EZR: variants seen among roughly 807,000 people sequenced by gnomAD.
EZR encodes the protein cytovillin 2.
EZR carries 40 observed loss-of-function variants against 74.8 expected under a neutral mutation model. The observed-to-expected ratio is 0.53, with a 90% CI of 0.42 to 0.70. The LOEUF (loss-of-function observed/expected upper bound fraction) is 0.70. EZR is among the 30% of genes least tolerant of loss of function. The pLI is 0.00. For synonymous variants in EZR, 341 were observed against 283.3 expected (o/e 1.20, Z -2.05); for missense variants, 678 against 755.8 (o/e 0.90, Z 1.21).
intron 4 of EZR, among the ~76,000 whole-genome samples, 200 bp downstream of exon 4, chr6:158,786,908 G>C (rs1262576635): frequency 2.6e-5 from 4 of 152,226 alleles, no homozygotes; most frequent in African/African-American, 9.7e-5. Context: ...CAATGAGTGA[G>C]CACTATGGAG....
intron 2 of EZR, among the ~76,000 whole-genome samples, chr6:158,811,841 C>T (rs1777456076): frequency 6.7e-6 from 1 of 150,036 alleles, no homozygotes; most frequent in Non-Finnish European, 1.5e-5. Flanking sequence ...TGCCACTGCA[C>T]TCCAGCCTGG....
chr6:158,780,552 G>A (rs1316744892), intron 7 of EZR, among the ~76,000 whole-genome samples: 2 of 152,158 alleles, frequency 1.3e-5, no homozygotes, highest in African/African-American at 4.8e-5. Context: ...ATGTTCTGTG[G>A]CTCCTGTTTC....
intron 10 of EZR, among the ~76,000 whole-genome samples, chr6:158,770,382 C>T (rs1038152668): frequency 1.3e-5 from 2 of 152,104 alleles, no homozygotes; most frequent in Non-Finnish European, 2.9e-5. Context: ...AAGTCTGGCT[C>T]TGAACACGCC....
intron 2 of EZR, among the ~76,000 whole-genome samples, chr6:158,805,337 G>GGAAA (rs1491172756): frequency 1.0e-4 from 12 of 116,904 alleles, no homozygotes; most frequent in African/African-American, 4.2e-4. Context: ...TCCATCTCAG[G>GGAAA]AAAAAAAAAA....
Position 158,767,227 on chromosome 6 carries a change from AGGCTCCCTGGAGACAGAGCCCCTT to A in EZR, c.1596+10_1596+33del. ...AGCCTGTCTGCTCCAAAAGCGAGGC[AGGCTCCCTGGAGACAGAGCCCCTT>A]GGGCCTCACCAGCAGCTGCCGCTGC... On this transcript the variant is annotated intron_variant, in intron 13 of 13. Coordinates refer to ENST00000367075, the MANE Select transcript of EZR (RefSeq NM_001111077.2). 3 of 1,594,806 alleles carry A rather than the reference AGGCTCCCTGGAGACAGAGCCCCTT, an allele frequency of 1.9e-6. No homozygotes were observed. Among genetic ancestry groups the A allele is most frequent in the Non-Finnish European group, 8.6e-7 (1 of 1,167,836 alleles).
At chr6:158,808,390 T>C (rs1488083074) in intron 2 of EZR, among the ~76,000 whole-genome samples, 2 of 152,224 alleles carry the variant, frequency 1.3e-5, no homozygotes, top group African/African-American at 4.8e-5. Flanking sequence ...AACCTGATGC[T>C]ATCCCTGTTG....
At chr6:158,801,997 A>G (rs755934456) in intron 2 of EZR, among the ~76,000 whole-genome samples, 1 of 152,180 alleles carries the variant, frequency 6.6e-6, no homozygotes, top group Non-Finnish European at 1.5e-5. Context: ...TTGGCCACAC[A>G]TGGATTGATA....
At chr6:158,780,684 G>C (rs1791412108) in intron 7 of EZR, among the ~76,000 whole-genome samples, 1 of 152,198 alleles carries the variant, frequency 6.6e-6, no homozygotes, top group Non-Finnish European at 1.5e-5. Flanking sequence ...GAGGGATGAA[G>C]CTAAGGGAGA....
chr6:158,768,876 A>G (rs1791003765), intron 12 of EZR, among the ~76,000 whole-genome samples: 1 of 152,202 alleles, frequency 6.6e-6, no homozygotes, highest in Non-Finnish European at 1.5e-5. Context: ...TCCAGCCTGG[A>G]GACGTCCAAG....
At chr6:158,818,770 G>A (rs1777624431) in intron 1 of EZR, among the ~76,000 whole-genome samples, 2 of 147,464 alleles carry the variant, frequency 1.4e-5, no homozygotes, top group Non-Finnish European at 3.0e-5. Flanking sequence ...CACCTAGGAG[G>A]AAGGAGTCCC....
intron 1 of EZR, among the ~76,000 whole-genome samples, chr6:158,818,442 C>A (rs1466478506): frequency 1.3e-5 from 2 of 148,788 alleles, no homozygotes; most frequent in East Asian, 4.0e-4. Context: ...GGGGTGGGTC[C>A]GAGGAGAGGG....
At chr6:158,807,761 A>G (rs903999752) in intron 2 of EZR, among the ~76,000 whole-genome samples, 5 of 152,124 alleles carry the variant, frequency 3.3e-5, no homozygotes, top group Non-Finnish European at 4.4e-5. Flanking sequence ...CCCCTGCAAT[A>G]TAAGCTTCTT....
rs535198879 is a variant in EZR, at chr6:158,768,529, G to A, written c.1344+797C>T. Among the ~76,000 whole-genome samples the A allele has an allele frequency of 1.9e-3, 295 of 152,196 alleles. 1 individual carries two copies. The highest frequency in any genetic ancestry group is 6.8e-3 in the African/African-American group (283 of 41,482). ...CCTCCACAGATGGAGAAGCCACAGTGGGGGAAGGACGGGCCAGCGGGTCTG... is the reference window on the plus strand; with the variant it reads ...CCTCCACAGATGGAGAAGCCACAGTAGGGGAAGGACGGGCCAGCGGGTCTG... On this transcript the variant is annotated intron_variant, in intron 12 of 13. Coordinates refer to ENST00000367075, the MANE Select transcript of EZR (RefSeq NM_001111077.2).
At chr6:158,772,820 C>CCA (rs1241981716) in intron 8 of EZR, among the ~76,000 whole-genome samples, 2 of 152,158 alleles carry the variant, frequency 1.3e-5, no homozygotes, top group African/African-American at 2.4e-5. Context: ...GCGATATATC[C>CCA]CACAGCAACT....
At chr6:158,782,483 A>T (rs753787879) in intron 7 of EZR, among the ~76,000 whole-genome samples, 5 of 152,236 alleles carry the variant, frequency 3.3e-5, no homozygotes, top group Admixed American at 2.0e-4. Context: ...TTCAAGGAAC[A>T]GCATGAGGCT....
rs1554270472 is a variant in EZR at position 158,766,298 on chromosome 6, C to CCA, written c.*615_*616insTG. On this transcript the variant is annotated 3_prime_UTR_variant, in exon 14 of 14. Coordinates refer to ENST00000367075, the MANE Select transcript of EZR (RefSeq NM_001111077.2). ...TACAATGTATTCTAAAACTGTTAAGCAAAAAAAAAAAAAACAAAAAAAAAA... is the reference window on the plus strand; with the variant it reads ...TACAATGTATTCTAAAACTGTTAAGCCAAAAAAAAAAAAAAACAAAAAAAAAA... 53 of 90,166 alleles carry CCA rather than the reference C, an allele frequency of 5.9e-4. No homozygotes were observed. Among genetic ancestry groups the CCA allele is most frequent in the Non-Finnish European group, 8.8e-4 (35 of 39,712 alleles). The allele number at this position is 90,166 out of a possible 1,614,324, so 5.6% of individuals were successfully genotyped here.
At chr6:158,770,427 G>T (rs1791066378) in intron 10 of EZR, among the ~76,000 whole-genome samples, 1 of 152,196 alleles carries the variant, frequency 6.6e-6, no homozygotes, top group African/African-American at 2.4e-5. Context: ...GGGCAGTGCA[G>T]CATGGCCCTG....
intron 2 of EZR, among the ~76,000 whole-genome samples, chr6:158,813,261 C>T (rs1419410095): frequency 6.6e-6 from 1 of 152,136 alleles, no homozygotes; most frequent in African/African-American, 2.4e-5. Context: ...CCTTCCTGAC[C>T]TCCCCTATTT....
chr6:158,779,627 A>AAT (rs1791374698), intron 7 of EZR, among the ~76,000 whole-genome samples: 1 of 152,116 alleles, frequency 6.6e-6, no homozygotes, highest in East Asian at 1.9e-4. Context: ...GCAGTGGCAC[A>AAT]ATCTTGGCTC....
Sources: allele counts gnomAD v4.1 joint callset (sites outside exome capture counted in the v4.1 genomes callset), GRCh38; gene constraint gnomAD v4.1.1; transcripts MANE v1.5; gene names NCBI Gene and HGNC (gene_info 2026-07-23, HGNC 2026-07-21).